SORCS1: variants seen among roughly 807,000 people sequenced by gnomAD.
SORCS1 encodes the protein VPS10 domain-containing receptor SorCS1.
SORCS1 carries 60 observed loss-of-function variants against 146.1 expected under a neutral mutation model. The observed-to-expected ratio is 0.41, with a 90% CI of 0.33 to 0.51. The LOEUF (loss-of-function observed/expected upper bound fraction) is 0.51. SORCS1 is among the 20% of genes least tolerant of loss of function. SORCS1 has a pLI of 0.21. For missense variants in SORCS1, 1,352 were observed against 1,487.6 expected (o/e 0.91, Z 1.50); for synonymous variants, 637 against 584.0 (o/e 1.09, Z -1.31).
chr10:106,707,302 C>A (rs548435804), intron 7 of SORCS1, among the ~76,000 whole-genome samples: 3 of 151,868 alleles, frequency 2.0e-5, no homozygotes, highest in African/African-American at 7.2e-5. Context: ...GATTCTCCTG[C>A]CTTAGCCTCC....
chr10:107,040,941 C>T (rs763294071), intron 1 of SORCS1, among the ~76,000 whole-genome samples: 15 of 152,218 alleles, frequency 9.9e-5, no homozygotes, highest in South Asian at 2.1e-4. Context: ...GCATGTAAAA[C>T]GCTGTTAATA....
chr10:106,681,959 C>G (rs1852467246), intron 10 of SORCS1, among the ~76,000 whole-genome samples: 1 of 152,042 alleles, frequency 6.6e-6, no homozygotes, highest in African/African-American at 2.4e-5. Context: ...GAAACCCTGT[C>G]TCTACTAAAA....
Position 107,013,186 on chromosome 10 carries a change from C to A in SORCS1, c.559-56606G>T, listed in dbSNP as rs550551226. Reference sequence around the variant, plus strand: ...CCCTTGGCTTTTGGCAGGCTCCCTTCACAAAACTAAAATTCACCTGCCTTA... The same window carrying A: ...CCCTTGGCTTTTGGCAGGCTCCCTTAACAAAACTAAAATTCACCTGCCTTA... On this transcript the variant is annotated intron_variant, in intron 1 of 25. Transcript: ENST00000263054. Among the ~76,000 whole-genome samples the A allele has an allele frequency of 7.2e-5, 11 of 152,240 alleles. No homozygotes were observed. The South Asian group carries it at 2.3e-3, about 32-fold the overall frequency.
rs1448283740 is a variant in SORCS1, at chr10:106,576,311, T to A, written c.*1109A>T. The stretch of plus-strand genomic sequence containing the variant: ...AGGGGCGGCACAGGCCAGGCCAGTA[T>A]TTAGGAAACGTCAGGGTTAATGTCC... On this transcript the variant is annotated 3_prime_UTR_variant, in exon 26 of 26. Transcript: ENST00000263054. 3 of 152,338 alleles carry A rather than the reference T, an allele frequency of 2.0e-5. No individual in the cohort carries two copies. Among genetic ancestry groups the A allele is most frequent in the African/African-American group, 7.2e-5 (3 of 41,450 alleles). 9.4% of individuals were successfully genotyped at this position (152,338 alleles called of 1,614,324 possible). A position where few individuals can be genotyped will look rare whatever the true frequency, so the allele number is the denominator to read the frequency against.
chr10:106,892,140 G>A (rs1420264688), intron 2 of SORCS1, among the ~76,000 whole-genome samples: 2 of 152,188 alleles, frequency 1.3e-5, no homozygotes, highest in Non-Finnish European at 2.9e-5. Context: ...AGGCTGATCT[G>A]CAGATGTGAA....
intron 1 of SORCS1, among the ~76,000 whole-genome samples, chr10:107,038,168 G>A (rs2133972150): frequency 6.6e-6 from 1 of 152,216 alleles, no homozygotes; most frequent in Non-Finnish European, 1.5e-5. Context: ...ACAGCCAAGT[G>A]TCACCAAACA....
chr10:106,924,442 TA>T (rs1297320026), intron 2 of SORCS1, among the ~76,000 whole-genome samples: 1 of 151,694 alleles, frequency 6.6e-6, no homozygotes, highest in Non-Finnish European at 1.5e-5. Context: ...TAATTTTTAA[TA>T]TTATGAAAAT....
At chr10:107,115,629 T>C (rs974499835) in intron 1 of SORCS1, among the ~76,000 whole-genome samples, 2 of 152,066 alleles carry the variant, frequency 1.3e-5, no homozygotes, top group African/African-American at 4.8e-5. Context: ...ATGTAAGATC[T>C]GAAACCGTAA....
At chr10:106,719,141 G>A (rs1166972675) in intron 6 of SORCS1, among the ~76,000 whole-genome samples, 12 of 152,200 alleles carry the variant, frequency 7.9e-5, no homozygotes, top group South Asian at 4.1e-4. Context: ...GAGACAGAGA[G>A]AGAAGGATAA....
chr10:107,074,205 C>A (rs948674317), intron 1 of SORCS1, among the ~76,000 whole-genome samples: 7 of 152,182 alleles, frequency 4.6e-5, no homozygotes, highest in Non-Finnish European at 8.8e-5. Flanking sequence ...ATCTCCTGCA[C>A]TCCCCCAACA....
intron 1 of SORCS1, among the ~76,000 whole-genome samples, chr10:106,971,657 C>G (rs1215617287): frequency 6.6e-6 from 1 of 152,220 alleles, no homozygotes; most frequent in Non-Finnish European, 1.5e-5. Context: ...TGTCTATGAT[C>G]TAATCCAAAG....
intron 1 of SORCS1, among the ~76,000 whole-genome samples, chr10:107,106,971 G>A (rs141608263): frequency 8.7e-4 from 133 of 152,292 alleles, no homozygotes; most frequent in African/African-American, 3.1e-3. Context: ...GGGGCTCAAG[G>A]TCCCAGCCTC....
At chr10:107,178,636 A>C in the SORCS1 span, among the ~76,000 whole-genome samples, 1 of 151,954 alleles carries the variant, frequency 6.6e-6, no homozygotes, top group Non-Finnish European at 1.5e-5. Flanking sequence ...CTATAGGTGC[A>C]TGCCACCACA....
intron 2 of SORCS1, among the ~76,000 whole-genome samples, chr10:106,840,900 G>C (rs1178181253): frequency 7.4e-5 from 11 of 148,066 alleles, no homozygotes; most frequent in African/African-American, 2.7e-4. Context: ...TCTGTCGCCA[G>C]GCTGGAGTGC....
intron 2 of SORCS1, among the ~76,000 whole-genome samples, chr10:106,948,032 T>G (rs1238347116): frequency 6.6e-6 from 1 of 152,196 alleles, no homozygotes; most frequent in African/African-American, 2.4e-5. Context: ...CTGGCCCATT[T>G]TTTTCAATGC....
At chr10:107,005,364 G>A (rs562782223) in intron 1 of SORCS1, among the ~76,000 whole-genome samples, 1 of 152,078 alleles carries the variant, frequency 6.6e-6, no homozygotes, top group African/African-American at 2.4e-5. Context: ...TGGAGAAAAA[G>A]CTGAACACTA....
chr10:107,157,498 G>A (rs1321327250), intron 1 of SORCS1, among the ~76,000 whole-genome samples: 1 of 152,076 alleles, frequency 6.6e-6, no homozygotes, highest in African/African-American at 2.4e-5. Flanking sequence ...TGGAAGTAAT[G>A]TGTCGATCTT....
Position 106,611,783 on chromosome 10 carries a change from C to T in SORCS1, c.3033+128G>A, listed in dbSNP as rs545171931. 83 of 718,108 alleles carry T rather than the reference C, an allele frequency of 1.2e-4. 2 individuals are homozygous for T. The South Asian group carries it at 1.5e-3, about 13-fold the overall frequency. The allele number at this position is 718,108 out of a possible 1,614,324, so 44.5% of individuals were successfully genotyped here. A position where few individuals can be genotyped will look rare whatever the true frequency, so the allele number is the denominator to read the frequency against. ...TTTGCAGACATCAGGCCAGAACTTC[C>T]CATGGGCTCTAGCTTCTTCCTGCTG... On this transcript the variant is annotated intron_variant, in intron 22 of 25. Coordinates refer to ENST00000263054, the MANE Select transcript of SORCS1 (RefSeq NM_052918.5).
chr10:107,003,710 G>T (rs939788036), intron 1 of SORCS1, among the ~76,000 whole-genome samples: 2 of 152,088 alleles, frequency 1.3e-5, no homozygotes, highest in African/African-American at 4.8e-5. Flanking sequence ...CCTTGTGAAG[G>T]AGGCTGCCTG....
Sources: gnomAD v4.1 joint callset for allele counts (sites outside exome capture counted in the v4.1 genomes callset) on GRCh38, gnomAD v4.1.1 for gene constraint, MANE v1.5 for transcripts, NCBI Gene and HGNC (gene_info 2026-07-23, HGNC 2026-07-21) for gene names.